SYN3: variants seen among roughly 807,000 people sequenced by gnomAD.
The protein encoded by SYN3 is synapsin III.
In SYN3, 35 loss-of-function variants were observed where a neutral mutation model predicts 65.8. The ratio of observed to expected loss-of-function variants is 0.53; its 90% CI spans 0.41 to 0.70. The LOEUF is 0.70. SYN3 is among the 30% of genes least tolerant of loss of function. The pLI is 0.00. For synonymous variants in SYN3, 270 were observed against 292.9 expected (o/e 0.92, Z 0.80); for missense variants, 680 against 749.0 (o/e 0.91, Z 1.08).
At chr22:32,640,808 A>G (rs997030344) in intron 6 of SYN3, among the ~76,000 whole-genome samples, 2 of 152,146 alleles carry the variant, frequency 1.3e-5, no homozygotes, top group Non-Finnish European at 2.9e-5. Context: ...CAGAGATTGC[A>G]GTGAGCGGAG....
chr22:32,901,752 C>T (rs900331631), intron 4 of SYN3, among the ~76,000 whole-genome samples: 3 of 152,252 alleles, frequency 2.0e-5, no homozygotes, highest in African/African-American at 4.8e-5. Flanking sequence ...CCCGAGGGCA[C>T]ACAACTGGGA....
intron 1 of SYN3, among the ~76,000 whole-genome samples, chr22:33,008,986 A>G (rs1241935095): frequency 6.7e-6 from 1 of 149,174 alleles, no homozygotes; most frequent in East Asian, 1.9e-4. Context: ...AAAGAAAAAG[A>G]AAAAAGAAAA....
intron 4 of SYN3, among the ~76,000 whole-genome samples, chr22:32,891,627 G>A (rs988659844): frequency 2.0e-5 from 3 of 152,160 alleles, no homozygotes; most frequent in African/African-American, 7.2e-5. Flanking sequence ...CTTAAGCAAG[G>A]TGCTTAAACT....
At chr22:32,649,395 C>A (rs2060029439) in intron 6 of SYN3, among the ~76,000 whole-genome samples, 1 of 152,160 alleles carries the variant, frequency 6.6e-6, no homozygotes, top group African/African-American at 2.4e-5. Flanking sequence ...ATGTTAATGA[C>A]CCCTAGTATG....
intron 3 of SYN3, among the ~76,000 whole-genome samples, chr22:32,964,282 G>A (rs1277824143): frequency 7.5e-6 from 1 of 132,758 alleles, no homozygotes; most frequent in Non-Finnish European, 1.6e-5. Context: ...GCCTGTTGTG[G>A]GGTGGGGGGA....
chr22:32,747,066 C>T (rs946047176), intron 6 of SYN3, among the ~76,000 whole-genome samples: 5 of 152,200 alleles, frequency 3.3e-5, no homozygotes, highest in Non-Finnish European at 7.3e-5. Flanking sequence ...ACTACCTCAA[C>T]ACAATGGCTA....
chr22:32,630,304 G>A (rs1474508380), intron 6 of SYN3, among the ~76,000 whole-genome samples: 1 of 151,776 alleles, frequency 6.6e-6, no homozygotes, highest in African/African-American at 2.4e-5. Context: ...TTTTAGAGAT[G>A]GGGTCTTGCC....
chr22:32,609,739 A>G (rs1601751094), intron 6 of SYN3, among the ~76,000 whole-genome samples: 1 of 151,878 alleles, frequency 6.6e-6, no homozygotes, highest in African/African-American at 2.4e-5. Flanking sequence ...CAACCCTCCC[A>G]CCTCAGCCTC....
At chr22:32,999,461 G>T (rs1200413898) in intron 2 of SYN3, among the ~76,000 whole-genome samples, 1 of 152,178 alleles carries the variant, frequency 6.6e-6, no homozygotes, top group Non-Finnish European at 1.5e-5. Context: ...GAGGCAGGCA[G>T]ATCACTTGAG....
intron 6 of SYN3, among the ~76,000 whole-genome samples, chr22:32,621,284 T>C (rs144237116): frequency 0.012 from 1,761 of 144,170 alleles, 32 homozygotes; most frequent in African/African-American, 0.045. Context: ...AAGCTGGTCC[T>C]GGTAACTTTT....
chr22:32,667,794 CTTTCTTTTTTTTTT>C (rs2060309082), intron 6 of SYN3, among the ~76,000 whole-genome samples: 2 of 147,858 alleles, frequency 1.4e-5, no homozygotes, highest in African/African-American at 5.0e-5. Flanking sequence ...TTCTTTCTTT[CTTTCTTTTTTTTTT>C]TTTTTTTGAG....
chr22:32,599,353 G>A (rs186444317), intron 6 of SYN3, among the ~76,000 whole-genome samples: 159 of 149,938 alleles, frequency 1.1e-3, no homozygotes, highest in Admixed American at 2.4e-3. Flanking sequence ...GCAGAGTCTC[G>A]CTTTGTCGCT....
chr22:32,630,534 G>A (rs763463579), intron 6 of SYN3, among the ~76,000 whole-genome samples: 1 of 152,136 alleles, frequency 6.6e-6, no homozygotes, highest in African/African-American at 2.4e-5. Flanking sequence ...GCCCTGATCT[G>A]GTCCTTTCTG....
chr22:32,673,000 T>A (rs5994599), intron 6 of SYN3, among the ~76,000 whole-genome samples: 3,717 of 152,316 alleles, frequency 0.024, 132 homozygotes, highest in African/African-American at 0.078. Flanking sequence ...CAATCCCCTT[T>A]GGAGGGCCCC....
At chr22:32,841,329 G>C (rs1192563673) in intron 6 of SYN3, among the ~76,000 whole-genome samples, 1 of 152,172 alleles carries the variant, frequency 6.6e-6, no homozygotes, top group African/African-American at 2.4e-5. Context: ...CACAGTGTCA[G>C]GGGCCAAGGG....
chr22:32,818,225 A>G (rs1330200600), intron 6 of SYN3, among the ~76,000 whole-genome samples: 1 of 152,240 alleles, frequency 6.6e-6, no homozygotes, highest in Non-Finnish European at 1.5e-5. Flanking sequence ...GATATTTTGC[A>G]GTAGTCTACA....
At chr22:32,898,970 C>T (rs535605252) in intron 4 of SYN3, among the ~76,000 whole-genome samples, 4 of 152,052 alleles carry the variant, frequency 2.6e-5, no homozygotes, top group African/African-American at 7.2e-5. Context: ...GATGTGGTGG[C>T]GTGTGCCTGT....
At position 32,541,681 on chromosome 22, in the gene SYN3, G is replaced by A; in HGVS notation, c.807C>T (p.Asp269=). ...TGGCCATGGCGACCACGCTGGTGAT[G>A]TCCTGGAAGTCAAGCTGGTTTTCCA... The part of the protein sequence containing the change: ...IKVENQLDFQ[D]ITSVVAMAKT... Residue 269 remains aspartate (D), a synonymous_variant, in exon 8 of 14, where the codon GAC becomes GAT. Transcript: ENST00000358763. 1 of 1,614,142 alleles carries A rather than the reference G, an allele frequency of 6.2e-7. No individual in the cohort carries two copies. Among genetic ancestry groups the A allele is most frequent in the Non-Finnish European group, 8.5e-7 (1 of 1,180,020 alleles).
At chr22:32,876,405 T>C (rs2048982929) in intron 4 of SYN3, among the ~76,000 whole-genome samples, 1 of 152,150 alleles carries the variant, frequency 6.6e-6, no homozygotes, top group Non-Finnish European at 1.5e-5. Context: ...ACCTTCACTT[T>C]AAGGTTCCAA....
Sources: allele counts gnomAD v4.1 joint callset (sites outside exome capture counted in the v4.1 genomes callset), GRCh38; gene constraint gnomAD v4.1.1; transcripts MANE v1.5; gene names NCBI Gene and HGNC (gene_info 2026-07-23, HGNC 2026-07-21).